TECTB: variants seen among roughly 807,000 people sequenced by gnomAD.
TECTB encodes the protein beta-tectorin.
Under a neutral mutation model 43.3 loss-of-function variants are expected in TECTB, and 45 were observed. The observed-to-expected ratio is 1.04, with a 90% CI of 0.82 to 1.33. The LOEUF is 1.33. Ranked by LOEUF, TECTB falls within the 40% of genes most tolerant of loss-of-function variation. The pLI is 0.00. For missense variants in TECTB, 399 were observed against 404.7 expected (o/e 0.99, Z 0.12); for synonymous variants, 169 against 156.7 (o/e 1.08, Z -0.59).
chr10:112,289,956 G>A (rs929384887), intron 5 of TECTB, among the ~76,000 whole-genome samples: 20 of 152,154 alleles, frequency 1.3e-4, no homozygotes, highest in East Asian at 3.9e-4. Context: ...TTGTGACACT[G>A]GCTAGTTGTG....
At chr10:112,296,346 G>A (rs1848546868) in intron 7 of TECTB, among the ~76,000 whole-genome samples, 1 of 152,138 alleles carries the variant, frequency 6.6e-6, no homozygotes, top group South Asian at 2.1e-4. Context: ...CCACCATCTA[G>A]AGGCAGCTGC....
chr10:112,291,545 G>A (rs1019245896), intron 5 of TECTB, among the ~76,000 whole-genome samples: 31 of 152,148 alleles, frequency 2.0e-4, no homozygotes, highest in Non-Finnish European at 3.7e-4. Flanking sequence ...TATACACCAT[G>A]GAATACTATA....
At chr10:112,300,841 T>G (rs1387142641) in intron 9 of TECTB, among the ~76,000 whole-genome samples, 1 of 152,248 alleles carries the variant, frequency 6.6e-6, no homozygotes, top group Admixed American at 6.5e-5. Context: ...ATATTCATCC[T>G]GAATGGAGCA....
At chr10:112,301,996 C>G in intron 9 of TECTB, 105 bp from the exon 10 acceptor site, 1 of 1,377,206 alleles carries the variant, frequency 7.3e-7, no homozygotes, top group Non-Finnish European at 1.0e-6. Flanking sequence ...CAAGTGTGAG[C>G]CGCAGCCCCC....
At chr10:112,295,267 TG>T (rs1848535187) in intron 7 of TECTB, among the ~76,000 whole-genome samples, 1 of 152,250 alleles carries the variant, frequency 6.6e-6, no homozygotes, top group South Asian at 2.1e-4. Flanking sequence ...GGAGCTATTT[TG>T]GACCTCTATT....
intron 8 of TECTB, 34 bp from the exon 9 acceptor site, chr10:112,299,458 C>T (rs372872404): frequency 1.7e-5 from 27 of 1,610,878 alleles, no homozygotes; most frequent in South Asian, 2.2e-5. Context: ...CCACCTTCCC[C>T]GCTTCTCTCC....
At chr10:112,292,836 C>G (rs116208468) in intron 5 of TECTB, among the ~76,000 whole-genome samples, 3,396 of 152,236 alleles carry the variant, frequency 0.022, 122 homozygotes, top group African/African-American at 0.077. Flanking sequence ...CTTACTTGCT[C>G]CAGCCACACT....
chr10:112,289,792 G>A (rs888909659), intron 5 of TECTB, among the ~76,000 whole-genome samples: 9 of 152,048 alleles, frequency 5.9e-5, no homozygotes, highest in African/African-American at 1.7e-4. Context: ...AGGCCATCAC[G>A]GGTCAGAGGT....
intron 7 of TECTB, among the ~76,000 whole-genome samples, chr10:112,297,581 T>C (rs1008211245): frequency 6.6e-6 from 1 of 152,192 alleles, no homozygotes; most frequent in African/African-American, 2.4e-5. Flanking sequence ...TGTAGATATA[T>C]ATAATTTAAA....
At chr10:112,284,186 A>G (rs1421744055) in intron 2 of TECTB, among the ~76,000 whole-genome samples, 1 of 152,184 alleles carries the variant, frequency 6.6e-6, no homozygotes, top group Admixed American at 6.5e-5. Context: ...GACATTTAAA[A>G]TGTTTAAATT....
At chr10:112,293,177 G>A (rs1458453706) in intron 5 of TECTB, among the ~76,000 whole-genome samples, 1 of 152,188 alleles carries the variant, frequency 6.6e-6, no homozygotes, top group Non-Finnish European at 1.5e-5. Context: ...AGATATCTTT[G>A]CTTTGTTCGC....
Position 112,284,719 on chromosome 10 carries a change from G to A in TECTB, c.261G>A (p.Gln87=), listed in dbSNP as rs1391708484. Residue 87 remains glutamine (Q), a synonymous_variant, in exon 3 of 11, where the codon CAG becomes CAA. Coordinates refer to ENST00000646139, the MANE Select transcript of TECTB (RefSeq NM_058222.3). ...SPKNKSYCGT[Q]SEYKPPIYHF... ...AAAACAAGTCCTATTGTGGAACCCA[G>A]TCTGAGGTAAGACCAGGCCACACAG... is the stretch of plus-strand genomic sequence containing the variant. The A allele has an allele frequency of 1.9e-6, 3 of 1,592,246 alleles. No homozygotes were observed. Among genetic ancestry groups the A allele is most frequent in the Admixed American group, 1.7e-5 (1 of 57,290 alleles).
chr10:112,293,060 T>C (rs1848513137), intron 5 of TECTB, among the ~76,000 whole-genome samples: 1 of 152,228 alleles, frequency 6.6e-6, no homozygotes, highest in South Asian at 2.1e-4. Context: ...ACTCTGCATG[T>C]TTTATAGCTT....
chr10:112,300,345 AGAAGGAAG>A (rs72242708), intron 9 of TECTB, among the ~76,000 whole-genome samples: 2 of 146,944 alleles, frequency 1.4e-5, no homozygotes, highest in East Asian at 2.1e-4. Context: ...AAGAAAAGAA[AGAAGGAAG>A]GAAGGAAGGA....
chr10:112,294,134 G>A, intron 7 of TECTB, 73 bp downstream of exon 7: 2 of 1,391,330 alleles, frequency 1.4e-6, no homozygotes, highest in Non-Finnish European at 2.0e-6. Flanking sequence ...CTCTGGCTTG[G>A]GAAAGCTTGG....
chr10:112,290,219 T>C (rs544737841), intron 5 of TECTB, among the ~76,000 whole-genome samples: 4 of 152,326 alleles, frequency 2.6e-5, no homozygotes, highest in Admixed American at 2.6e-4. Flanking sequence ...TGTCTGTCAG[T>C]CACTCAGTAG....
chr10:112,286,207 A>C lies in TECTB; in HGVS notation c.404A>C (p.Asp135Ala). The C allele has an allele frequency of 6.2e-7, 1 of 1,614,082 alleles. No individual in the cohort carries two copies. Among genetic ancestry groups the C allele is most frequent in the Non-Finnish European group, 8.5e-7 (1 of 1,179,992 alleles). The part of the protein sequence containing the change: ...STYLVNQAAF[D>A]QRVATVHVKN... ...TACTTGGTGAACCAGGCTGCCTTTG[A>C]CCAGAGGTAAGTTGCTGTGCGGCAT... is the stretch of plus-strand genomic sequence containing the variant. Residue 135 changes from aspartate (D) to alanine (A), a missense_variant, in exon 4 of 11, where the codon GAC becomes GCC. Asp to Ala is a moderately radical substitution (Grantham distance 126, BLOSUM62 -2). Coordinates refer to ENST00000646139, the MANE Select transcript of TECTB (RefSeq NM_058222.3).
At position 112,283,830 on chromosome 10, in the gene TECTB, A is replaced by G; in HGVS notation, c.76+20A>G. On this transcript the variant is annotated intron_variant, in intron 2 of 10. Coordinates refer to ENST00000646139, the MANE Select transcript of TECTB (RefSeq NM_058222.3). ...AAGCAGGTATGTCCTCGCCAAGTCC[A>G]TTTTCCTGGGACGAAAAGTTTCCTG... is the stretch of plus-strand genomic sequence containing the variant. 1.2e-6 allele frequency: 2 copies of G among 1,611,498 alleles called. No homozygotes were observed. The highest frequency in any genetic ancestry group is 2.2e-5 in the South Asian group (2 of 90,504).
rs887464381 is a variant in TECTB, at chr10:112,283,793, G to A, written c.59G>A (p.Cys20Tyr). 2.5e-6 allele frequency: 4 copies of A among 1,613,738 alleles called. No homozygotes were observed. The highest frequency in any genetic ancestry group is 3.4e-6 in the Non-Finnish European group (4 of 1,179,888). Reference sequence around the variant, plus strand: ...TTTGCAGAAGCCTCTGCAAAATCGTGTGCTCCAAATAAAGCAGGTATGTCC... The same window carrying A: ...TTTGCAGAAGCCTCTGCAAAATCGTATGCTCCAAATAAAGCAGGTATGTCC... ...AIFAEASAKS[C>Y]APNKADVILV... The change falls in exon 2 of 11, where the codon TGT (cysteine) becomes TAT (tyrosine). Residue 20 changes from cysteine to tyrosine, a missense_variant. Coordinates refer to ENST00000646139, the MANE Select transcript of TECTB (RefSeq NM_058222.3).
Sources: gnomAD v4.1 joint callset for allele counts (sites outside exome capture counted in the v4.1 genomes callset) on GRCh38, gnomAD v4.1.1 for gene constraint, MANE v1.5 for transcripts, NCBI Gene and HGNC (gene_info 2026-07-23, HGNC 2026-07-21) for gene names.